The following NUP93 variants were observed in gnomAD, a reference collection of about 807,000 sequenced individuals.
The protein encoded by NUP93 is nucleoporin 93.
Under a neutral mutation model 107.8 loss-of-function variants are expected in NUP93, and 55 were observed. The ratio of observed to expected loss-of-function variants is 0.51; its 90% CI spans 0.41 to 0.64. The LOEUF (loss-of-function observed/expected upper bound fraction) is 0.64. Ranked by LOEUF, NUP93 falls within the 30% of genes least tolerant of loss-of-function variation. The pLI is 0.00. For missense variants in NUP93, 937 were observed against 1,044.7 expected (o/e 0.90, Z 1.42); for synonymous variants, 390 against 397.5 (o/e 0.98, Z 0.22).
chr16:56,754,858 T>C (rs568341255), intron 2 of NUP93, among the ~76,000 whole-genome samples: 42 of 152,326 alleles, frequency 2.8e-4, no homozygotes, highest in Non-Finnish European at 4.9e-4. Context: ...TGCCTGGATA[T>C]CCAGACATTT....
chr16:56,837,820 G>GT (rs1175238507), intron 18 of NUP93, 94 bp downstream of exon 18: 2 of 865,254 alleles, frequency 2.3e-6, no homozygotes, highest in Non-Finnish European at 3.7e-6. Context: ...GCTTTACTAG[G>GT]TAACAGCAGA....
At chr16:56,748,450 A>G (rs536312914) in intron 2 of NUP93, 24 bp downstream of exon 2, 2 of 1,589,640 alleles carry the variant, frequency 1.3e-6, no homozygotes, top group Non-Finnish European at 1.7e-6. Flanking sequence ...GGGAGACAGC[A>G]TTAGTACTGG....
intron 5 of NUP93, among the ~76,000 whole-genome samples, chr16:56,808,146 C>A (rs1390840136): frequency 1.2e-5 from 1 of 85,020 alleles, no homozygotes; most frequent in African/African-American, 5.0e-5. Context: ...ATTTATATAA[C>A]TATATATAAT....
At chr16:56,782,199 A>G (rs1291951787) in intron 3 of NUP93, 1 of 985,226 alleles carries the variant, frequency 1.0e-6, no homozygotes, top group African/African-American at 1.7e-5. Flanking sequence ...TAACTCCTTA[A>G]ATTTAAGAGC....
intron 13 of NUP93, 50 bp downstream of exon 13, chr16:56,833,456 C>T: frequency 7.0e-7 from 1 of 1,428,002 alleles, no homozygotes; most frequent in Non-Finnish European, 9.2e-7. Flanking sequence ...GCACGTCCCC[C>T]TTGGGGCGAC....
intron 1 of NUP93, among the ~76,000 whole-genome samples, chr16:56,742,559 G>C (rs777311906): frequency 3.3e-5 from 5 of 152,210 alleles, no homozygotes; most frequent in Non-Finnish European, 4.4e-5. Context: ...CAGTTGAGTA[G>C]TTGCTACAGA....
At chr16:56,788,195 C>T (rs1324552764) in intron 3 of NUP93, among the ~76,000 whole-genome samples, 1 of 152,194 alleles carries the variant, frequency 6.6e-6, no homozygotes, top group African/African-American at 2.4e-5. Context: ...TCTGTTGGTC[C>T]TGCTTCCCCT....
chr16:56,839,502 C>T lies in NUP93; in HGVS notation c.2137-19C>T, dbSNP rs772706864. ...CTGTGATGGTTGTGTTACATGGGGC[C>T]GGTGGTTGTTTTAAACAGATCATTG... On this transcript the variant is annotated intron_variant, in intron 19 of 21. Coordinates refer to ENST00000308159, the MANE Select transcript of NUP93 (RefSeq NM_014669.5). 38 of 1,590,266 alleles carry T rather than the reference C, an allele frequency of 2.4e-5. No individual in the cohort carries two copies. The Admixed American group carries it at 3.9e-4, about 16-fold the overall frequency.
intron 13 of NUP93, among the ~76,000 whole-genome samples, chr16:56,833,789 A>G (rs1963852371): frequency 6.6e-6 from 1 of 152,100 alleles, no homozygotes; most frequent in South Asian, 2.1e-4. Context: ...GAGTCAGGGG[A>G]GAGAGAGGAA....
At chr16:56,823,280 A>G (rs1252395418) in intron 7 of NUP93, among the ~76,000 whole-genome samples, 1 of 152,176 alleles carries the variant, frequency 6.6e-6, no homozygotes, top group Non-Finnish European at 1.5e-5. Flanking sequence ...GTCTTATTTT[A>G]AGCCTTTAGA....
chr16:56,734,801 A>G (rs1961585812), intron 1 of NUP93, among the ~76,000 whole-genome samples: 1 of 152,258 alleles, frequency 6.6e-6, no homozygotes, highest in South Asian at 2.1e-4. Flanking sequence ...AGCAACTTCT[A>G]GCATGAAGAT....
In NUP93 at chr16:56,830,706, C is replaced by T. The variant is rs4461062; in HGVS notation, c.1085+21C>T. The T allele has an allele frequency of 0.46, 707,267 of 1,529,704 alleles. 166,862 individuals carry two copies. Among genetic ancestry groups the T allele is most frequent in the East Asian group, 0.68 (29,546 of 43,184 alleles). The allele number at this position is 1,529,704 out of a possible 1,614,324, so 94.8% of individuals were successfully genotyped here. A position where few individuals can be genotyped will look rare whatever the true frequency, so the allele number is the denominator to read the frequency against. ...AGAAGGTATGGTGAATGAGGTGGCA[C>T]GCCCAGGGGCAGCCATGCAGAATCA... is the stretch of plus-strand genomic sequence containing the variant. On this transcript the variant is annotated intron_variant, in intron 10 of 21. Transcript: ENST00000308159.
At chr16:56,775,521 G>A (rs114578063) in intron 3 of NUP93, among the ~76,000 whole-genome samples, 243 of 146,642 alleles carry the variant, frequency 1.7e-3, no homozygotes, top group African/African-American at 6.0e-3. Flanking sequence ...TATCTTAAGG[G>A]TGTGAGATGG....
intron 8 of NUP93, among the ~76,000 whole-genome samples, chr16:56,825,271 G>A (rs1345148081): frequency 7.0e-6 from 1 of 143,732 alleles, no homozygotes; most frequent in African/African-American, 2.6e-5. Context: ...TAATGTAATG[G>A]TGTGATCTTG....
intron 6 of NUP93, 60 bp downstream of exon 6, chr16:56,818,798 A>G: frequency 1.5e-6 from 2 of 1,375,104 alleles, no homozygotes; most frequent in Non-Finnish European, 2.0e-6. Flanking sequence ...TCTAGGGAGT[A>G]AAAGGAAACA....
In NUP93 at chr16:56,831,980, C is replaced by T; in HGVS notation, c.1224C>T (p.Asp408=). 1 of 1,614,080 alleles carries T rather than the reference C, an allele frequency of 6.2e-7. No individual in the cohort carries two copies. The highest frequency in any genetic ancestry group is 2.2e-5 in the East Asian group (1 of 44,882). The change falls in exon 11 of 22, where the codon GAC becomes GAT. Residue 408 remains aspartate, a synonymous_variant. Coordinates refer to ENST00000308159, the MANE Select transcript of NUP93 (RefSeq NM_014669.5). ...CCGACAACCAGAGTGAAGTGGCGGACAAAACTGAGGATTACCTGTGGCTGA... is the reference window on the plus strand; with the variant it reads ...CCGACAACCAGAGTGAAGTGGCGGATAAAACTGAGGATTACCTGTGGCTGA... ...DVTDNQSEVA[D]KTEDYLWLKL...
intron 4 of NUP93, 109 bp from the exon 5 acceptor site, chr16:56,805,395 C>A: frequency 8.5e-7 from 1 of 1,174,720 alleles, no homozygotes. Flanking sequence ...TTTTTCTCTA[C>A]CTATGGAGAA....
chr16:56,824,518 T>C (rs998025177), intron 8 of NUP93, among the ~76,000 whole-genome samples: 8 of 152,296 alleles, frequency 5.3e-5, no homozygotes, highest in South Asian at 2.1e-4. Flanking sequence ...GAGTGTGCAA[T>C]AGAATCTCTT....
rs1433777492 is a variant in NUP93 at position 56,808,254 on chromosome 16, AAT to A, written c.489+2628_489+2629del. 3.6e-4 allele frequency among the ~76,000 whole-genome samples: 16 copies of A among 44,648 alleles called. 1 individual carries two copies. The highest frequency in any genetic ancestry group is 5.0e-4 in the Non-Finnish European group (13 of 25,870). The allele number at this position is 44,648 out of a possible 152,430, so 29.3% of individuals were successfully genotyped here. On this transcript the variant is annotated intron_variant, in intron 5 of 21. Transcript: ENST00000308159. ...AATATATAGTTATGTAACTATATAA[AAT>A]ATATAGTTATGTAACTATATAAAAT...
Sources: allele counts gnomAD v4.1 joint callset (sites outside exome capture counted in the v4.1 genomes callset), GRCh38; gene constraint gnomAD v4.1.1; transcripts MANE v1.5; gene names NCBI Gene and HGNC (gene_info 2026-07-23, HGNC 2026-07-21).